The following CFDP1 variants were observed in gnomAD, a reference collection of about 807,000 sequenced individuals.
CFDP1 encodes chromatin remodeling protein CFDP1, also known as heterochromatin-stabilizing protein CFDP1.
A neutral mutation model predicts 40.1 loss-of-function variants in CFDP1; 31 were observed. The observed-to-expected ratio is 0.77, with a 90% confidence interval of 0.58 to 1.04. CFDP1 has a LOEUF of 1.04. CFDP1 is among the 50% of genes least tolerant of loss of function. CFDP1 has a pLI of 0.00. For missense variants in CFDP1, 423 were observed against 343.4 expected, an observed-to-expected ratio of 1.23 and a Z score of -1.83; for synonymous variants, 167 against 120.0, an observed-to-expected ratio of 1.39 and a Z score of -2.56.
At chr16:75,337,818 T>C (rs1049508784) in intron 5 of CFDP1, among the ~76,000 whole-genome samples, 1 of 152,188 alleles carries the variant, frequency 6.6e-6, no homozygotes, top group African/African-American at 2.4e-5. Context: ...CTGGGGATTA[T>C]AATTGGACAA....
At chr16:75,353,524 G>T (rs2078626574) in intron 5 of CFDP1, among the ~76,000 whole-genome samples, 1 of 152,042 alleles carries the variant, frequency 6.6e-6, no homozygotes, top group African/African-American at 2.4e-5. Flanking sequence ...CACTTTGGGA[G>T]GCCGAGGCGG....
intron 5 of CFDP1, among the ~76,000 whole-genome samples, chr16:75,362,414 C>A (rs1004696084): frequency 6.6e-6 from 1 of 152,228 alleles, no homozygotes; most frequent in Non-Finnish European, 1.5e-5. Context: ...GTCTTCCAGG[C>A]AAGGCATCCC....
intron 5 of CFDP1, chr16:75,321,797 G>C (rs557084855): frequency 6.6e-6 from 1 of 152,246 alleles, no homozygotes; most frequent in Admixed American, 6.5e-5. Flanking sequence ...GCCTCCTATA[G>C]GAAACACATT....
chr16:75,317,892 C>T (rs113528623), intron 5 of CFDP1, among the ~76,000 whole-genome samples: 1 of 152,090 alleles, frequency 6.6e-6, no homozygotes, highest in African/African-American at 2.4e-5. Flanking sequence ...GGGTAGATTA[C>T]CTAACGTCAG....
Position 75,395,231 on chromosome 16 carries a change from C to T in CFDP1, c.531-22G>A, listed in dbSNP as rs374771631. The stretch of plus-strand genomic sequence containing the variant: ...TACCCTGTGCCAAGGAAAAAGACAT[C>T]AAGCTTACAAGAAGAATAAAGAGAA... On this transcript the variant is annotated intron_variant, in intron 4 of 6. Transcript: ENST00000283882. 13 of 1,610,350 alleles carry T rather than the reference C, an allele frequency of 8.1e-6. No individual in the cohort carries two copies. In the African/African-American group the frequency reaches 1.6e-4, roughly 20 times the overall value.
chr16:75,364,271 T>A (rs1427369295), intron 5 of CFDP1, among the ~76,000 whole-genome samples: 1 of 152,190 alleles, frequency 6.6e-6, no homozygotes, highest in Non-Finnish European at 1.5e-5. Flanking sequence ...AAAGGTATTT[T>A]AAAATAAGCC....
intron 5 of CFDP1, among the ~76,000 whole-genome samples, chr16:75,363,561 A>C (rs2078694277): frequency 6.6e-6 from 1 of 151,942 alleles, no homozygotes; most frequent in Non-Finnish European, 1.5e-5. Context: ...ACACCCAGCT[A>C]ATTTTTGTAT....
At chr16:75,298,780 C>T (rs982511234) in intron 6 of CFDP1, among the ~76,000 whole-genome samples, 1 of 152,168 alleles carries the variant, frequency 6.6e-6, no homozygotes, top group African/African-American at 2.4e-5. Flanking sequence ...GTTTCTTCTC[C>T]ACTGCCTTCT....
Position 75,321,557 on chromosome 16 carries a change from GTT to G in CFDP1, c.651-16377_651-16376del, listed in dbSNP as rs2078363748. Among the ~76,000 whole-genome samples, 5 of 152,146 alleles carry G rather than the reference GTT, an allele frequency of 3.3e-5. No homozygotes were observed. In the South Asian group the frequency reaches 6.2e-4, roughly 19 times the overall value. ...ACCTGCCTTATTCTGTTATTGTTTT[GTT>G]TTGTTTTGGGCTTTTACCAGCCTGA... On this transcript the variant is annotated intron_variant, in intron 5 of 6. Coordinates refer to ENST00000283882, the MANE Select transcript of CFDP1 (RefSeq NM_006324.3).
chr16:75,351,303 T>C (rs2078608644), intron 5 of CFDP1, among the ~76,000 whole-genome samples: 2 of 152,206 alleles, frequency 1.3e-5, no homozygotes, highest in Admixed American at 1.3e-4. Flanking sequence ...ACCAACTCAG[T>C]AGCAACTGGC....
chr16:75,328,597 C>CT (rs2078421406), intron 5 of CFDP1, among the ~76,000 whole-genome samples: 2 of 63,344 alleles, frequency 3.2e-5, no homozygotes, highest in Non-Finnish European at 5.7e-5. Flanking sequence ...GAAACTCTGT[C>CT]TTAAAAAAAA....
chr16:75,366,863 CT>C (rs1269958117), intron 5 of CFDP1, among the ~76,000 whole-genome samples: 1 of 151,728 alleles, frequency 6.6e-6, no homozygotes, highest in Non-Finnish European at 1.5e-5. Flanking sequence ...AAAGTTACCA[CT>C]TTAAAAAATT....
chr16:75,407,119 A>T (rs2079107560), intron 4 of CFDP1, among the ~76,000 whole-genome samples: 1 of 152,174 alleles, frequency 6.6e-6, no homozygotes, highest in African/African-American at 2.4e-5. Context: ...ACGTGGGAGG[A>T]TCACTTGAGC....
intron 5 of CFDP1, among the ~76,000 whole-genome samples, chr16:75,389,559 C>G (rs1355498973): frequency 6.6e-6 from 1 of 152,176 alleles, no homozygotes; most frequent in African/African-American, 2.4e-5. Flanking sequence ...GGATGTTTTA[C>G]TCTCCTGCTC....
chr16:75,423,422 G>A (rs994394359), intron 1 of CFDP1, among the ~76,000 whole-genome samples: 2 of 152,114 alleles, frequency 1.3e-5, no homozygotes, highest in Admixed American at 1.3e-4. Context: ...ACTCCAGTCT[G>A]GGTAATCAAG....
At chr16:75,431,473 A>AAAAG (rs1555569215) in intron 1 of CFDP1, among the ~76,000 whole-genome samples, 62 of 146,248 alleles carry the variant, frequency 4.2e-4, no homozygotes, top group African/African-American at 9.7e-4. Context: ...AAAAAAAAAA[A>AAAAG]AAAAGAAAAG....
intron 5 of CFDP1, among the ~76,000 whole-genome samples, chr16:75,391,042 A>G (rs910955122): frequency 6.6e-6 from 1 of 152,276 alleles, no homozygotes; most frequent in Non-Finnish European, 1.5e-5. Flanking sequence ...TAAGAAAGGC[A>G]GGCATGGATA....
chr16:75,300,443 A>G (rs2078214405), intron 6 of CFDP1, among the ~76,000 whole-genome samples: 1 of 152,118 alleles, frequency 6.6e-6, no homozygotes, highest in Non-Finnish European at 1.5e-5. Flanking sequence ...GCCCACCACC[A>G]CGCCCGGCTA....
intron 1 of CFDP1, among the ~76,000 whole-genome samples, chr16:75,433,028 C>T (rs1485994317): frequency 6.6e-6 from 1 of 152,210 alleles, no homozygotes; most frequent in Admixed American, 6.5e-5. Context: ...GACAAGGGGC[C>T]GTGTCCATGT....
Sources: gnomAD v4.1 joint callset for allele counts (sites outside exome capture counted in the v4.1 genomes callset) on GRCh38, gnomAD v4.1.1 for gene constraint, MANE v1.5 for transcripts, NCBI Gene and HGNC (gene_info 2026-07-23, HGNC 2026-07-21) for gene names.